LHCGR: variants seen among roughly 807,000 people sequenced by gnomAD.
LHCGR encodes luteinizing hormone/choriogonadotropin receptor, also known as lutropin-choriogonadotropic hormone receptor.
In LHCGR, 55 loss-of-function variants were observed where a neutral mutation model predicts 60.7. The ratio of observed to expected loss-of-function variants is 0.91; its 90% CI spans 0.73 to 1.13. LHCGR has a LOEUF of 1.13. LHCGR is among the 50% of genes most tolerant of loss of function. The probability of loss-of-function intolerance (pLI) is 0.00; values close to 1 mark genes in which losing one functional copy is unlikely to be tolerated. For missense variants in LHCGR, 862 were observed against 836.0 expected, an observed-to-expected ratio of 1.03 and a Z score of -0.38; for synonymous variants, 337 against 316.5, an observed-to-expected ratio of 1.06 and a Z score of -0.69.
chr2:48,702,768 A>G (rs1667474449), intron 8 of LHCGR, among the ~76,000 whole-genome samples: 2 of 151,986 alleles, frequency 1.3e-5, no homozygotes, highest in African/African-American at 4.8e-5. Context: ...TAATAGTACA[A>G]TCCTTTGGGT....
intron 6 of LHCGR, among the ~76,000 whole-genome samples, chr2:48,718,646 T>TAAAGA (rs1251328678): frequency 3.9e-5 from 6 of 152,214 alleles, no homozygotes; most frequent in Admixed American, 1.3e-4. Context: ...AACAGAATTC[T>TAAAGA]AAAGAAAAGA....
At chr2:48,712,570 C>G (rs1572849572) in intron 7 of LHCGR, among the ~76,000 whole-genome samples, 1 of 152,024 alleles carries the variant, frequency 6.6e-6, no homozygotes, top group Non-Finnish European at 1.5e-5. Flanking sequence ...CAAATTCACC[C>G]CATGATAGGA....
chr2:48,740,254 G>A (rs1447936756), intron 1 of LHCGR, among the ~76,000 whole-genome samples: 15 of 152,226 alleles, frequency 9.9e-5, no homozygotes, highest in African/African-American at 7.2e-5. Context: ...AGGTGGCAGC[G>A]AGGCTGGGGG....
chr2:48,733,628 C>G (rs1669098034), intron 1 of LHCGR, among the ~76,000 whole-genome samples: 1 of 152,210 alleles, frequency 6.6e-6, no homozygotes, highest in Non-Finnish European at 1.5e-5. Context: ...AAGAAAGAGT[C>G]CTGGGGGCCA....
intron 1 of LHCGR, among the ~76,000 whole-genome samples, chr2:48,741,738 T>A (rs1229655508): frequency 2.6e-5 from 4 of 151,442 alleles, no homozygotes; most frequent in African/African-American, 9.7e-5. Context: ...TGCAAAATCA[T>A]GCCAAAATGT....
At chr2:48,699,469 C>A (rs1023311167) in intron 8 of LHCGR, among the ~76,000 whole-genome samples, 1 of 152,096 alleles carries the variant, frequency 6.6e-6, no homozygotes, top group Non-Finnish European at 1.5e-5. Flanking sequence ...TTGCTTTATG[C>A]GACAGCCAGC....
intron 3 of LHCGR, among the ~76,000 whole-genome samples, chr2:48,726,451 A>G (rs965702480): frequency 6.6e-6 from 1 of 152,220 alleles, no homozygotes; most frequent in Admixed American, 6.5e-5. Flanking sequence ...TTGGCAAAGT[A>G]TAAAAGTACA....
At chr2:48,754,758 A>G (rs11898398) in intron 1 of LHCGR, among the ~76,000 whole-genome samples, 5,600 of 152,188 alleles carry the variant, frequency 0.037, 363 homozygotes, top group African/African-American at 0.13. Context: ...AATAGGAGAA[A>G]GGAGACCTGA....
intron 1 of LHCGR, among the ~76,000 whole-genome samples, chr2:48,748,406 C>A (rs759993683): frequency 6.6e-6 from 1 of 152,004 alleles, no homozygotes; most frequent in Non-Finnish European, 1.5e-5. Context: ...GCAGACAGGA[C>A]CAAAAACAGC....
At chr2:48,740,372 C>A (rs1435848986) in intron 1 of LHCGR, among the ~76,000 whole-genome samples, 1 of 152,246 alleles carries the variant, frequency 6.6e-6, no homozygotes, top group East Asian at 1.9e-4. Flanking sequence ...CCTCTGTAGG[C>A]TCCACCTCTG....
chr2:48,688,103 G>T lies in LHCGR; in HGVS notation c.1694C>A (p.Thr565Lys). The T allele has an allele frequency of 6.2e-7, 1 of 1,614,108 alleles. No individual in the cohort carries two copies. Among genetic ancestry groups the T allele is most frequent in the Non-Finnish European group, 8.5e-7 (1 of 1,180,006 alleles). ...NPELMATNKD[T>K]KIAKKMAILI... ...GATTGCCATTTTCTTAGCAATCTTTGTATCTTTATTGGTAGCCATTAATTC... is the reference window on the plus strand; with the variant it reads ...GATTGCCATTTTCTTAGCAATCTTTTTATCTTTATTGGTAGCCATTAATTC... Residue 565 changes from threonine (T) to lysine (K), a missense_variant, in exon 11 of 11, where the codon ACA becomes AAA. Physicochemically the swap from Thr to Lys is moderately conservative, Grantham distance 78. Coordinates refer to ENST00000294954, the MANE Select transcript of LHCGR (RefSeq NM_000233.4). This position sits in a 1 kb window ranked among gnomAD's most constrained non-coding sequence, Gnocchi z 5.2.
intron 9 of LHCGR, among the ~76,000 whole-genome samples, chr2:48,694,780 G>T (rs1470041110): frequency 2.0e-5 from 3 of 152,018 alleles, no homozygotes; most frequent in African/African-American, 7.2e-5. Flanking sequence ...TTTTTCTTAT[G>T]TGCAGAAACA....
intron 8 of LHCGR, among the ~76,000 whole-genome samples, chr2:48,706,020 A>T (rs1667647862): frequency 6.6e-6 from 1 of 152,180 alleles, no homozygotes; most frequent in South Asian, 2.1e-4. Context: ...ATGTTTTTGC[A>T]GTGGCTGGCA....
intron 8 of LHCGR, among the ~76,000 whole-genome samples, chr2:48,701,613 C>T (rs752139252): frequency 2.0e-5 from 3 of 152,102 alleles, no homozygotes; most frequent in African/African-American, 7.2e-5. Context: ...CTCTCCAGAA[C>T]TCCTTTCCCC....
intron 1 of LHCGR, among the ~76,000 whole-genome samples, chr2:48,747,052 T>C (rs1453315658): frequency 1.3e-5 from 2 of 152,066 alleles, no homozygotes; most frequent in African/African-American, 4.8e-5. Context: ...TTGCAACTGA[T>C]ATACTACATA....
chr2:48,747,552 C>T (rs1242876461), intron 1 of LHCGR, among the ~76,000 whole-genome samples: 1 of 152,160 alleles, frequency 6.6e-6, no homozygotes, highest in African/African-American at 2.4e-5. Flanking sequence ...ATCTTGCTGA[C>T]TGAGCAGATC....
At chr2:48,752,845 C>T (rs192522009) in intron 1 of LHCGR, among the ~76,000 whole-genome samples, 207 of 151,978 alleles carry the variant, frequency 1.4e-3, no homozygotes, top group African/African-American at 4.7e-3. Flanking sequence ...GTCTGTCCTC[C>T]ATGGATTCCT....
At chr2:48,743,102 A>G (rs970738981) in intron 1 of LHCGR, among the ~76,000 whole-genome samples, 13 of 152,262 alleles carry the variant, frequency 8.5e-5, no homozygotes, top group Non-Finnish European at 1.9e-4. Flanking sequence ...GAAGAAATGG[A>G]TAAATTCCTT....
intron 6 of LHCGR, among the ~76,000 whole-genome samples, chr2:48,722,706 T>G (rs748458622): frequency 1.3e-5 from 2 of 152,220 alleles, no homozygotes; most frequent in Non-Finnish European, 2.9e-5. Flanking sequence ...GCCAGAATCA[T>G]GCTTCCTGCA....
Sources: gnomAD v4.1 joint callset for allele counts (sites outside exome capture counted in the v4.1 genomes callset) on GRCh38, gnomAD v4.1.1 for gene constraint, Gnocchi (gnomAD v3.1) non-coding constraint, MANE v1.5 for transcripts, NCBI Gene and HGNC (gene_info 2026-07-23, HGNC 2026-07-21) for gene names.